The following DSG4 variants were observed in gnomAD, a reference collection of about 807,000 sequenced individuals.
DSG4 encodes desmoglein 4, also known as desmoglein-4.
In DSG4, 87 loss-of-function variants were observed where a neutral mutation model predicts 93.1. That is an observed-to-expected ratio of 0.93 (90% confidence interval 0.79 to 1.12). The LOEUF (loss-of-function observed/expected upper bound fraction) is 1.12. DSG4 is among the 50% of genes most tolerant of loss of function. The pLI is 0.00. For synonymous variants in DSG4, 432 were observed against 452.9 expected (o/e 0.95, Z 0.59); for missense variants, 1,373 against 1,285.7 (o/e 1.07, Z -1.04).
intron 10 of DSG4, among the ~76,000 whole-genome samples, chr18:31,402,347 A>G (rs986664781): frequency 1.3e-5 from 2 of 152,222 alleles, no homozygotes; most frequent in Admixed American, 6.5e-5. Flanking sequence ...TTTGGTTGCC[A>G]ATCACAAGGT....
At chr18:31,395,889 T>G (rs188601477) in intron 8 of DSG4, among the ~76,000 whole-genome samples, 1 of 152,252 alleles carries the variant, frequency 6.6e-6, no homozygotes, top group Non-Finnish European at 1.5e-5. Context: ...TTGGGAGGGC[T>G]GAGGCATGAA....
chr18:31,392,579 T>C (rs2144182284), intron 8 of DSG4, among the ~76,000 whole-genome samples: 1 of 152,290 alleles, frequency 6.6e-6, no homozygotes, highest in East Asian at 1.9e-4. Flanking sequence ...AATATCTAGT[T>C]GTGAAGATAA....
At chr18:31,402,550 T>C (rs2072379410) in intron 10 of DSG4, among the ~76,000 whole-genome samples, 2 of 152,164 alleles carry the variant, frequency 1.3e-5, no homozygotes, top group Non-Finnish European at 2.9e-5. Flanking sequence ...TTTATTCTCA[T>C]TCAGTTACCT....
chr18:31,399,579 A>G (rs2072343488), intron 9 of DSG4, 36 bp downstream of exon 9: 1 of 1,612,922 alleles, frequency 6.2e-7, no homozygotes, highest in Non-Finnish European at 8.5e-7. Flanking sequence ...CTATGGTTCT[A>G]TCCAGTGTTA....
At chr18:31,410,503 A>C (rs1344851626) in intron 14 of DSG4, among the ~76,000 whole-genome samples, 1 of 147,704 alleles carries the variant, frequency 6.8e-6, no homozygotes, top group African/African-American at 2.7e-5. Flanking sequence ...GTAATTATTT[A>C]TAATACAAGC....
intron 1 of DSG4, among the ~76,000 whole-genome samples, chr18:31,383,111 A>G (rs146563329): frequency 6.6e-6 from 1 of 152,324 alleles, no homozygotes; most frequent in African/African-American, 2.4e-5. Flanking sequence ...GCACAGAAGA[A>G]AACGCTTCTT....
At chr18:31,384,800 T>C (rs3859363) in intron 1 of DSG4, among the ~76,000 whole-genome samples, 10,201 of 152,184 alleles carry the variant, frequency 0.067, 351 homozygotes, top group African/African-American at 0.087. Flanking sequence ...CTTATCAAAC[T>C]AGCTTCATTC....
chr18:31,413,256 G>T lies in DSG4; in HGVS notation c.2784G>T (p.Gln928His). Residue 928 changes from glutamine to histidine, a missense_variant, in exon 16 of 16, where the codon CAG (glutamine) becomes CAT (histidine). Coordinates refer to ENST00000308128, the MANE Select transcript of DSG4 (RefSeq NM_177986.5). ...CCACTACAATTATTTTTGATCCTCAGCTTGCACCCAATGTTGTAGTAACCG... is the reference window on the plus strand; with the variant it reads ...CCACTACAATTATTTTTGATCCTCATCTTGCACCCAATGTTGTAGTAACCG... ...VQPTTIIFDPQLAPNVVVTEA... is the reference protein window; with the variant it reads ...VQPTTIIFDPHLAPNVVVTEA... 1 of 1,614,108 alleles carries T rather than the reference G, an allele frequency of 6.2e-7. No individual in the cohort carries two copies. The highest frequency in any genetic ancestry group is 8.5e-7 in the Non-Finnish European group (1 of 1,180,024).
At chr18:31,412,129 A>G (rs554199794) in intron 15 of DSG4, among the ~76,000 whole-genome samples, 10 of 152,378 alleles carry the variant, frequency 6.6e-5, no homozygotes, top group African/African-American at 2.4e-4. Context: ...ACCTGTGTCC[A>G]TCAACTGATG....
At position 31,414,243 on chromosome 18, in the gene DSG4, A is replaced by G. The variant is rs540035302; in HGVS notation, c.*648A>G. ...AAAGAAAAATATATATTTTTATTGA[A>G]CTTTATTGATTTATATGATTAACTG... On this transcript the variant is annotated 3_prime_UTR_variant, in exon 16 of 16. Transcript: ENST00000308128. The G allele has an allele frequency of 1.9e-3, 284 of 152,288 alleles. 1 individual carries two copies. The highest frequency in any genetic ancestry group is 6.2e-3 in the African/African-American group (258 of 41,566). The allele number at this position is 152,288 out of a possible 1,614,324, so 9.4% of individuals were successfully genotyped here.
intron 12 of DSG4, among the ~76,000 whole-genome samples, chr18:31,406,837 G>A (rs2144210586): frequency 6.6e-6 from 1 of 151,922 alleles, no homozygotes; most frequent in East Asian, 1.9e-4. Flanking sequence ...GAGTGCAGTG[G>A]CGCAACCTCG....
chr18:31,409,827 C>A lies in DSG4; in HGVS notation c.2137+19C>A, dbSNP rs1416887889. The stretch of plus-strand genomic sequence containing the variant: ...TCCTCTGGTCAGTAGACACCAAAAT[C>A]TGTTTTTCCTTTTAAATTTTTCAAA... On this transcript the variant is annotated intron_variant, in intron 14 of 15. Transcript: ENST00000308128. 1 of 1,613,854 alleles carries A rather than the reference C, an allele frequency of 6.2e-7. No homozygotes were observed. The highest frequency in any genetic ancestry group is 1.3e-5 in the African/African-American group (1 of 74,916).
chr18:31,381,971 AT>A (rs2072140572), intron 1 of DSG4, among the ~76,000 whole-genome samples: 5 of 152,096 alleles, frequency 3.3e-5, no homozygotes, highest in Admixed American at 3.3e-4. Context: ...GCCCAGCCAA[AT>A]AGTAGTATCT....
rs114434207 is a variant in DSG4 at position 31,390,910 on chromosome 18, T to A, written c.684+88T>A. ...TGATCCATGTGTACCCTTACTCCAA[T>A]ATAAAGGAGGGAAGAAAAATAATCC... On this transcript the variant is annotated intron_variant, in intron 6 of 15. Coordinates refer to ENST00000308128, the MANE Select transcript of DSG4 (RefSeq NM_177986.5). 7.9e-4 allele frequency: 1,215 copies of A among 1,528,858 alleles called. 9 individuals carry two copies. The African/African-American group carries it at 0.014, about 17-fold the overall frequency. 94.7% of individuals were successfully genotyped at this position (1,528,858 alleles called of 1,614,324 possible).
At chr18:31,409,210 A>G (rs868371884) in intron 12 of DSG4, among the ~76,000 whole-genome samples, 1 of 152,190 alleles carries the variant, frequency 6.6e-6, no homozygotes, top group African/African-American at 2.4e-5. Flanking sequence ...AAGAAATTCA[A>G]TTACCTGATC....
rs145078681 is a variant in DSG4 at position 31,399,403 on chromosome 18, G to T, written c.1137G>T (p.Val379=). ...PTPVRIQVVD[V]REGPAFHPST... is the part of the protein sequence containing the mutation. ...CTGTGAGAATTCAAGTTGTTGATGT[G>T]AGAGAAGGACCTGCATTTCATCCAA... Residue 379 remains valine (V), a synonymous_variant, in exon 9 of 16, where the codon GTG becomes GTT. Transcript: ENST00000308128. The T allele has an allele frequency of 6.4e-5, 104 of 1,614,138 alleles. No individual in the cohort carries two copies. In the African/African-American group the frequency reaches 1.3e-3, roughly 21 times the overall value.
chr18:31,393,737 T>C (rs1376635486), intron 8 of DSG4, among the ~76,000 whole-genome samples: 1 of 152,164 alleles, frequency 6.6e-6, no homozygotes, highest in African/African-American at 2.4e-5. Context: ...TAGGAAGCCA[T>C]TTAGCCTTCT....
At chr18:31,388,656 GGAAA>G (rs2072215398) in intron 4 of DSG4, 134 bp downstream of exon 4, 1 of 1,341,510 alleles carries the variant, frequency 7.5e-7, no homozygotes, top group Non-Finnish European at 1.0e-6. Flanking sequence ...TTGAAGGAAT[GGAAA>G]GAGTGTGAAA....
chr18:31,384,962 C>T (rs1056717324), intron 1 of DSG4, among the ~76,000 whole-genome samples, 174 bp from the exon 2 acceptor site: 2 of 152,124 alleles, frequency 1.3e-5, no homozygotes, highest in African/African-American at 4.8e-5. Context: ...AATGTAAATA[C>T]TTTGGAGGGC....
Sources: allele counts gnomAD v4.1 joint callset (sites outside exome capture counted in the v4.1 genomes callset), GRCh38; gene constraint gnomAD v4.1.1; transcripts MANE v1.5; gene names NCBI Gene and HGNC (gene_info 2026-07-23, HGNC 2026-07-21).